The following CTDSPL variants were observed in gnomAD, a reference collection of about 807,000 sequenced individuals.
CTDSPL encodes CTD small phosphatase-like protein.
CTDSPL carries 8 observed loss-of-function variants against 30.5 expected under a neutral mutation model. The observed-to-expected ratio is 0.26, with a 90% CI of 0.15 to 0.47. The LOEUF (loss-of-function observed/expected upper bound fraction) is 0.47, where lower values mean the gene tolerates loss of function less well. Ranked by LOEUF, CTDSPL falls within the 20% of genes least tolerant of loss-of-function variation. The pLI is 0.99. For synonymous variants in CTDSPL, 110 were observed against 137.9 expected (o/e 0.80, Z 1.42); for missense variants, 248 against 366.1 (o/e 0.68, Z 2.63).
At chr3:37,965,387 G>A (rs1304028593) in intron 4 of CTDSPL, among the ~76,000 whole-genome samples, 2 of 152,154 alleles carry the variant, frequency 1.3e-5, no homozygotes, top group African/African-American at 4.8e-5. Context: ...TAAGAAATGA[G>A]TTAGTTAACC....
intron 1 of CTDSPL, among the ~76,000 whole-genome samples, chr3:37,893,367 A>C (rs79158919): frequency 6.6e-6 from 1 of 152,228 alleles, no homozygotes. Context: ...TTTAAAAAGT[A>C]TTAAGAGAAC....
rs1015724793 is a variant in CTDSPL at position 37,983,274 on chromosome 3, A to G, written c.*2407A>G. On this transcript the variant is annotated 3_prime_UTR_variant, in exon 8 of 8. Coordinates refer to ENST00000273179, the MANE Select transcript of CTDSPL (RefSeq NM_001008392.2). ...TAACCCTTGAATCTGCTTTATGTAC[A>G]TAATCAAAATATCTATATCTATATC... is the stretch of plus-strand genomic sequence containing the variant. 4.6e-5 allele frequency: 7 copies of G among 151,006 alleles called. No homozygotes were observed. The highest frequency in any genetic ancestry group is 1.5e-4 in the African/African-American group (6 of 40,094). 9.4% of individuals were successfully genotyped at this position (151,006 alleles called of 1,614,324 possible). A position where few individuals can be genotyped will look rare whatever the true frequency, so the allele number is the denominator to read the frequency against.
At chr3:37,964,701 A>G in intron 4 of CTDSPL, 29 bp downstream of exon 4, 1 of 1,504,552 alleles carries the variant, frequency 6.6e-7, no homozygotes, top group Non-Finnish European at 9.2e-7. Context: ...AAAATCCATG[A>G]TCTTTGTGAT....
At position 37,980,863 on chromosome 3, in the gene CTDSPL, G is replaced by C. The variant is rs1409389473; in HGVS notation, c.827G>C (p.Arg276Thr). The C allele has an allele frequency of 6.2e-7, 1 of 1,613,876 alleles. No individual in the cohort carries two copies. The highest frequency in any genetic ancestry group is 1.7e-4 in the Middle Eastern group (1 of 6,046). The change falls in exon 8 of 8, where the codon AGG (arginine) becomes ACG (threonine). Residue 276 changes from arginine (R) to threonine (T), a missense_variant. This residue lies in a region of CTDSPL where 84 missense variants were observed against 139.4 expected (regional missense o/e 0.60). Coordinates refer to ENST00000273179, the MANE Select transcript of CTDSPL (RefSeq NM_001008392.2). ...AGCATGCTGCACAGACTCTGCAATAGGTAGCCCTGGCCTCTGCCTGCCTCC... is the reference window on the plus strand; with the variant it reads ...AGCATGCTGCACAGACTCTGCAATACGTAGCCCTGGCCTCTGCCTGCCTCC... Reference protein sequence around the residue: ...VYSMLHRLCNR With the variant: ...VYSMLHRLCNT
chr3:37,881,241 A>T (rs1470446253), intron 1 of CTDSPL, among the ~76,000 whole-genome samples: 4 of 152,066 alleles, frequency 2.6e-5, no homozygotes, highest in Non-Finnish European at 5.9e-5. Flanking sequence ...ATAAATACAA[A>T]ATCCTGGCCA....
rs1427417078 is a variant in CTDSPL, at chr3:37,975,618, T to A, written c.520-91T>A. The A allele has an allele frequency of 1.8e-5, 21 of 1,193,106 alleles. No homozygotes were observed. Among genetic ancestry groups the A allele is most frequent in the Non-Finnish European group, 1.2e-6 (1 of 853,234 alleles). The allele number at this position is 1,193,106 out of a possible 1,614,324, so 73.9% of individuals were successfully genotyped here. On this transcript the variant is annotated intron_variant, in intron 6 of 7. Coordinates refer to ENST00000273179, the MANE Select transcript of CTDSPL (RefSeq NM_001008392.2). The surrounding 1 kb of genome is among the most constrained non-coding windows in gnomAD (Gnocchi z 4.9). Reference sequence around the variant, plus strand: ...CACATCTAATTATTAAATCCATTTTTAAAAAACGTAATCTGGATCTTGCTG... The same window carrying A: ...CACATCTAATTATTAAATCCATTTTAAAAAAACGTAATCTGGATCTTGCTG...
intron 1 of CTDSPL, among the ~76,000 whole-genome samples, chr3:37,935,178 G>GTCTTTGGCACGTTACTCAACTGCTT (rs1698901012): frequency 6.6e-6 from 1 of 152,168 alleles, no homozygotes; most frequent in Non-Finnish European, 1.5e-5. Context: ...ATACTTCATA[G>GTCTTTGGCACGTTACTCAACTGCTT]TCTTTGGCAC....
intron 1 of CTDSPL, among the ~76,000 whole-genome samples, chr3:37,872,880 T>C (rs1698092754): frequency 1.3e-5 from 2 of 152,284 alleles, no homozygotes; most frequent in African/African-American, 4.8e-5. Flanking sequence ...GCCCCCACTT[T>C]GCCTCTTTTG....
intron 5 of CTDSPL, among the ~76,000 whole-genome samples, chr3:37,970,673 C>T (rs1559648304): frequency 1.3e-5 from 2 of 152,162 alleles, no homozygotes; most frequent in Non-Finnish European, 1.5e-5. Flanking sequence ...CACTGCTACC[C>T]CCTGGCCTGG....
At chr3:37,873,529 T>C (rs1439100150) in intron 1 of CTDSPL, among the ~76,000 whole-genome samples, 3 of 152,234 alleles carry the variant, frequency 2.0e-5, no homozygotes, top group Non-Finnish European at 2.9e-5. Flanking sequence ...CTTTCCATCT[T>C]TCACAGTCTT....
intron 1 of CTDSPL, among the ~76,000 whole-genome samples, chr3:37,921,170 C>T (rs899425203): frequency 4.6e-5 from 7 of 152,198 alleles, no homozygotes; most frequent in Non-Finnish European, 1.0e-4. Flanking sequence ...CTTCTGGCAG[C>T]GGGCAGCACA....
At chr3:37,877,640 C>T (rs999994216) in intron 1 of CTDSPL, among the ~76,000 whole-genome samples, 1 of 146,988 alleles carries the variant, frequency 6.8e-6, no homozygotes, top group African/African-American at 2.5e-5. Context: ...TCTATTTGTA[C>T]TGTTTTGAGT....
chr3:37,925,626 T>C (rs907341443), intron 1 of CTDSPL, among the ~76,000 whole-genome samples: 2 of 152,214 alleles, frequency 1.3e-5, no homozygotes, highest in African/African-American at 4.8e-5. Context: ...CCTTCTTACT[T>C]TTTGAACAAA....
At chr3:37,911,763 G>A in intron 1 of CTDSPL, 1 of 456,150 alleles carries the variant, frequency 2.2e-6, no homozygotes, top group Non-Finnish European at 4.4e-6. Context: ...CCTCGCTAAA[G>A]AGAGAAGGAG....
At chr3:37,959,353 C>G (rs1038114699) in intron 3 of CTDSPL, among the ~76,000 whole-genome samples, 4 of 152,210 alleles carry the variant, frequency 2.6e-5, no homozygotes, top group African/African-American at 7.2e-5. Context: ...TGTGGGAATA[C>G]ATACATACAC....
chr3:37,901,033 G>T (rs368016578), intron 1 of CTDSPL, among the ~76,000 whole-genome samples: 3 of 152,260 alleles, frequency 2.0e-5, no homozygotes, highest in Middle Eastern at 3.4e-3. Context: ...CTGACCTCAG[G>T]TGATCTGCCT....
chr3:37,901,081 G>A (rs1468441412), intron 1 of CTDSPL, among the ~76,000 whole-genome samples: 4 of 152,200 alleles, frequency 2.6e-5, no homozygotes, highest in African/African-American at 9.7e-5. Flanking sequence ...ACAGGTGTGA[G>A]CCACCACGTA....
chr3:37,949,069 C>T (rs1224909873), intron 2 of CTDSPL, among the ~76,000 whole-genome samples: 6 of 152,030 alleles, frequency 3.9e-5, no homozygotes, highest in African/African-American at 1.5e-4. Context: ...ATCCACCCGC[C>T]TCAGCCTCCC....
intron 4 of CTDSPL, among the ~76,000 whole-genome samples, chr3:37,967,357 T>A (rs1314768303): frequency 6.6e-6 from 1 of 152,262 alleles, no homozygotes; most frequent in Admixed American, 6.5e-5. Context: ...TTTGAGTCCG[T>A]GTGGCCATCT....
Sources: gnomAD v4.1 joint callset for allele counts (sites outside exome capture counted in the v4.1 genomes callset) on GRCh38, gnomAD v4.1.1 for gene constraint, gnomAD v4.1.1 regional missense constraint, Gnocchi (gnomAD v3.1) non-coding constraint, MANE v1.5 for transcripts, NCBI Gene and HGNC (gene_info 2026-07-23, HGNC 2026-07-21) for gene names.